The following ADGRL2 variants were observed in gnomAD, a reference collection of about 807,000 sequenced individuals.
ADGRL2 encodes calcium-independent alpha-latrotoxin receptor 2.
In ADGRL2, 44 loss-of-function variants were observed where a neutral mutation model predicts 157.4. The ratio of observed to expected loss-of-function variants is 0.28; its 90% confidence interval spans 0.22 to 0.36. The LOEUF (loss-of-function observed/expected upper bound fraction) is 0.36. Among genes scored for constraint, ADGRL2 ranks in the 10% least tolerant of loss-of-function variants. The pLI is 1.00. For synonymous variants in ADGRL2, 585 were observed against 624.7 expected, an observed-to-expected ratio of 0.94 and a Z score of 0.95; for missense variants, 1,510 against 1,768.9, an observed-to-expected ratio of 0.85 and a Z score of 2.63.
chr1:81,670,385 T>C (rs941593566), intron 3 of ADGRL2, among the ~76,000 whole-genome samples: 7 of 152,146 alleles, frequency 4.6e-5, no homozygotes, highest in African/African-American at 1.2e-4. Context: ...CTCAATCTGA[T>C]TGTAGAACTC....
intron 2 of ADGRL2, among the ~76,000 whole-genome samples, chr1:81,520,992 G>C (rs923906926): frequency 6.6e-6 from 1 of 152,152 alleles, no homozygotes; most frequent in Non-Finnish European, 1.5e-5. Context: ...AAGAACATGT[G>C]CCCTAACTTT....
At chr1:81,312,104 G>A (rs1659794054) in intron 1 of ADGRL2, among the ~76,000 whole-genome samples, 1 of 152,150 alleles carries the variant, frequency 6.6e-6, no homozygotes, top group Non-Finnish European at 1.5e-5. Context: ...GGCTCTCCAG[G>A]AATGAATACG....
chr1:81,909,065 AG>A (rs2094650012), intron 3 of ADGRL2, among the ~76,000 whole-genome samples: 1 of 151,806 alleles, frequency 6.6e-6, no homozygotes, highest in Non-Finnish European at 1.5e-5. Flanking sequence ...TAGTAGAGAC[AG>A]GGTTTTACCA....
At chr1:81,677,404 C>T (rs2083019364) in intron 3 of ADGRL2, among the ~76,000 whole-genome samples, 1 of 152,168 alleles carries the variant, frequency 6.6e-6, no homozygotes, top group African/African-American at 2.4e-5. Context: ...AATAAAACCA[C>T]CTATTGTTTA....
chr1:81,848,565 G>A (rs2092884763), intron 2 of ADGRL2, among the ~76,000 whole-genome samples: 1 of 151,760 alleles, frequency 6.6e-6, no homozygotes, highest in Non-Finnish European at 1.5e-5. Flanking sequence ...GCTTAACATT[G>A]CATTACTTAA....
At chr1:81,768,671 C>T (rs947461169) in intron 2 of ADGRL2, among the ~76,000 whole-genome samples, 1 of 152,072 alleles carries the variant, frequency 6.6e-6, no homozygotes, top group African/African-American at 2.4e-5. Context: ...CAGGGTCTCA[C>T]TATGTTGTTC....
chr1:81,714,231 T>C (rs759672906), intron 1 of ADGRL2, among the ~76,000 whole-genome samples: 35 of 152,278 alleles, frequency 2.3e-4, no homozygotes, highest in Non-Finnish European at 3.7e-4. Context: ...CCTATATAAG[T>C]TATCATTTAA....
rs535472828 is a variant in ADGRL2, at chr1:81,462,290, A to G, written c.-248+17201A>G. Among the ~76,000 whole-genome samples, 8 of 152,334 alleles carry G rather than the reference A, an allele frequency of 5.3e-5. No individual in the cohort carries two copies. The East Asian group carries it at 1.5e-3, about 29-fold the overall frequency. ...ATAAGAGCTGGCCACCCCAGCATGC[A>G]GCAGCAACCTGCTCTGCTGCCCTTC... On this transcript the variant is annotated intron_variant, in intron 2 of 24. Transcript: ENST00000370721.
At chr1:81,953,973 T>C (rs1353978085) in intron 10 of ADGRL2, among the ~76,000 whole-genome samples, 4 of 152,142 alleles carry the variant, frequency 2.6e-5, no homozygotes, top group Admixed American at 6.6e-5. Flanking sequence ...CTAGTTAGTA[T>C]TGGACATTGT....
At chr1:81,504,658 C>G (rs1004065660) in intron 2 of ADGRL2, among the ~76,000 whole-genome samples, 1 of 152,036 alleles carries the variant, frequency 6.6e-6, no homozygotes, top group Non-Finnish European at 1.5e-5. Context: ...ATCACGGGGG[C>G]GGGGAGGTGG....
chr1:81,776,672 A>G (rs1018621787), intron 2 of ADGRL2, among the ~76,000 whole-genome samples: 13 of 152,216 alleles, frequency 8.5e-5, no homozygotes, highest in African/African-American at 2.9e-4. Context: ...TAATTTGGTC[A>G]TCACATGTAA....
intron 1 of ADGRL2, among the ~76,000 whole-genome samples, chr1:81,343,858 C>T (rs893677130): frequency 5.9e-5 from 9 of 152,154 alleles, no homozygotes; most frequent in Non-Finnish European, 1.3e-4. Flanking sequence ...AAAGTCCTCA[C>T]CTCCTAATAC....
chr1:81,800,208 CAA>C (rs1024237829), upstream of ADGRL2, among the ~76,000 whole-genome samples: 2 of 152,112 alleles, frequency 1.3e-5, no homozygotes, highest in African/African-American at 4.8e-5. Context: ...CAAAAACAAA[CAA>C]AACGCTCTTG....
At chr1:81,970,198 G>A (rs1458767303) in intron 15 of ADGRL2, 116 bp from the exon 16 acceptor site, 2 of 763,112 alleles carry the variant, frequency 2.6e-6, no homozygotes, top group Non-Finnish European at 4.5e-6. Context: ...AGTTTACTCT[G>A]AATAATGTAT....
chr1:81,369,691 T>G (rs1327881823), intron 1 of ADGRL2, among the ~76,000 whole-genome samples: 2 of 151,800 alleles, frequency 1.3e-5, no homozygotes, highest in Non-Finnish European at 2.9e-5. Flanking sequence ...AATTTATATT[T>G]CCTTATGAAC....
At chr1:81,980,783 C>A in intron 18 of ADGRL2, 1 of 699,464 alleles carries the variant, frequency 1.4e-6, no homozygotes, top group Non-Finnish European at 2.7e-6. Flanking sequence ...TCTGTCTTCT[C>A]ATCTACACCA....
At chr1:81,985,403 A>G in intron 21 of ADGRL2, 48 bp downstream of exon 21, 1 of 1,008,888 alleles carries the variant, frequency 9.9e-7, no homozygotes, top group African/African-American at 1.6e-5. Flanking sequence ...TAAAGTACAT[A>G]TAAGTTCCTT....
intron 2 of ADGRL2, among the ~76,000 whole-genome samples, chr1:81,477,450 G>A (rs1052295255): frequency 3.9e-5 from 6 of 152,212 alleles, no homozygotes; most frequent in Non-Finnish European, 4.4e-5. Context: ...ATAGATTTCT[G>A]TCATTTTATC....
rs552477789 is a variant in ADGRL2, at chr1:81,833,877, A to T, written c.-100-3008A>T. On this transcript the variant is annotated intron_variant, in intron 1 of 23. Coordinates refer to ENST00000686636, the MANE Select transcript of ADGRL2 (RefSeq NM_001366006.2). ...TTTGATAGTAATGATGCATTAACGG[A>T]CTTTTTACATGACAGGGTAATAGGA... Among the ~76,000 whole-genome samples, 6 of 152,272 alleles carry T rather than the reference A, an allele frequency of 3.9e-5. No individual in the cohort carries two copies. The East Asian group carries it at 1.2e-3, about 29-fold the overall frequency.
Sources: allele counts gnomAD v4.1 joint callset (sites outside exome capture counted in the v4.1 genomes callset), GRCh38; gene constraint gnomAD v4.1.1; transcripts MANE v1.5; gene names NCBI Gene and HGNC (gene_info 2026-07-23, HGNC 2026-07-21).